Variants in NBEA observed in about 807,000 individuals in gnomAD.
The protein encoded by NBEA is neurobeachin, also known as lysosomal-trafficking regulator 2.
In NBEA, 44 loss-of-function variants were observed where a neutral mutation model predicts 343.4. The observed-to-expected ratio is 0.13, with a 90% CI of 0.10 to 0.16. The LOEUF is 0.16. Ranked by LOEUF, NBEA falls within the 10% of genes least tolerant of loss-of-function variation. The pLI is 1.00. For synonymous variants in NBEA, 1,175 were observed against 1,238.7 expected, an observed-to-expected ratio of 0.95 and a Z score of 1.08; for missense variants, 2,555 against 3,631.3, an observed-to-expected ratio of 0.70 and a Z score of 7.62.
intron 1 of NBEA, among the ~76,000 whole-genome samples, chr13:35,018,841 GCAGT>G (rs2061738928): frequency 6.6e-6 from 1 of 152,158 alleles, no homozygotes; most frequent in Admixed American, 6.5e-5. Flanking sequence ...TGGAAACCAT[GCAGT>G]CATTCACCAT....
chr13:35,035,210 G>A (rs1313371771), intron 1 of NBEA, among the ~76,000 whole-genome samples: 1 of 151,718 alleles, frequency 6.6e-6, no homozygotes, highest in African/African-American at 2.4e-5. Flanking sequence ...TTGGTATGTT[G>A]TGTTTCTGTT....
intron 34 of NBEA, among the ~76,000 whole-genome samples, chr13:35,250,490 A>C (rs183077580): frequency 2.0e-3 from 303 of 152,268 alleles, no homozygotes; most frequent in African/African-American, 6.8e-3. Flanking sequence ...AAACAATTTC[A>C]CTCCCATCCA....
chr13:35,369,737 G>T (rs894607521), intron 38 of NBEA, among the ~76,000 whole-genome samples: 1 of 151,846 alleles, frequency 6.6e-6, no homozygotes, highest in African/African-American at 2.4e-5. Flanking sequence ...TCAGATCGAA[G>T]AGGTTTTTGG....
chr13:35,025,883 C>T (rs1380531479), intron 1 of NBEA, among the ~76,000 whole-genome samples: 7 of 152,102 alleles, frequency 4.6e-5, no homozygotes, highest in Non-Finnish European at 1.0e-4. Context: ...TTACATACTA[C>T]TGACATGCTG....
At chr13:35,287,988 A>C (rs2035547063) in intron 34 of NBEA, among the ~76,000 whole-genome samples, 1 of 151,904 alleles carries the variant, frequency 6.6e-6, no homozygotes, top group Admixed American at 6.6e-5. Context: ...TTTGAATTAA[A>C]ATATGGGCAC....
At chr13:35,154,501 A>T (rs970335054) in intron 18 of NBEA, among the ~76,000 whole-genome samples, 1 of 152,246 alleles carries the variant, frequency 6.6e-6, no homozygotes, top group Non-Finnish European at 1.5e-5. Context: ...TTTATGTAAG[A>T]GATAAACACA....
chr13:35,421,320 C>A (rs1259785491), intron 38 of NBEA, among the ~76,000 whole-genome samples: 1 of 151,752 alleles, frequency 6.6e-6, no homozygotes, highest in Non-Finnish European at 1.5e-5. Flanking sequence ...ATCTATGTTT[C>A]TTAGTATATC....
chr13:35,670,667 G>T (rs755217424), intron 58 of NBEA, among the ~76,000 whole-genome samples: 1 of 152,224 alleles, frequency 6.6e-6, no homozygotes, highest in Non-Finnish European at 1.5e-5. Context: ...GGCCCCTCAC[G>T]CTCTGCAGCA....
chr13:35,041,042 A>C lies in NBEA; in HGVS notation c.404A>C (p.Glu135Ala). ...CACTGTGATGTAACATGTCAAGCAG[A>C]AATATGGAGCATGTTTACAGCCATT... ...LEHCDVTCQA[E>A]IWSMFTAILR... The change falls in exon 2 of 59, where the codon GAA becomes GCA. Residue 135 changes from glutamate to alanine, a missense_variant. By Grantham distance (107) the Glu-to-Ala change is moderately radical. Coordinates refer to ENST00000379939, the MANE Select transcript of NBEA (RefSeq NM_001385012.1). The C allele has an allele frequency of 6.2e-7, 1 of 1,613,290 alleles. No individual in the cohort carries two copies. Among genetic ancestry groups the C allele is most frequent in the Non-Finnish European group, 8.5e-7 (1 of 1,179,460 alleles).
intron 10 of NBEA, among the ~76,000 whole-genome samples, chr13:35,090,179 G>A (rs2065010449): frequency 6.6e-6 from 1 of 151,846 alleles, no homozygotes; most frequent in Non-Finnish European, 1.5e-5. Flanking sequence ...GGTTTATGTA[G>A]TGTTCCTGTA....
intron 27 of NBEA, 55 bp from the exon 28 acceptor site, chr13:35,176,941 T>A: frequency 8.5e-7 from 1 of 1,179,726 alleles, no homozygotes; most frequent in Non-Finnish European, 1.2e-6. Flanking sequence ...GAAGTGATAC[T>A]TCTATATATT....
chr13:35,612,683 AC>A (rs2082578583), intron 48 of NBEA, among the ~76,000 whole-genome samples: 1 of 152,144 alleles, frequency 6.6e-6, no homozygotes, highest in Non-Finnish European at 1.5e-5. Flanking sequence ...ACAGTGTTAT[AC>A]CCCAAATTTT....
Position 35,432,191 on chromosome 13 carries a change from C to A in NBEA, c.6180-78C>A, listed in dbSNP as rs995126406. ...TTTTTCAATGAGACCAACAAAATAA[C>A]TTCAATTTTATAGAAAAATGTATTT... On this transcript the variant is annotated intron_variant, in intron 38 of 58. Transcript: ENST00000379939. The A allele has an allele frequency of 5.0e-5, 64 of 1,278,194 alleles. No homozygotes were observed. The African/African-American group carries it at 8.5e-4, about 17-fold the overall frequency. The allele number at this position is 1,278,194 out of a possible 1,614,324, so 79.2% of individuals were successfully genotyped here. A position where few individuals can be genotyped will look rare whatever the true frequency, so the allele number is the denominator to read the frequency against.
rs9600190 is a variant in NBEA at position 35,160,174 on chromosome 13, C to T, written c.3861+142C>T. 2,203 of 779,998 alleles carry T rather than the reference C, an allele frequency of 2.8e-3. 36 individuals carry two copies. The African/African-American group carries it at 0.034, about 12-fold the overall frequency. 48.3% of individuals were successfully genotyped at this position (779,998 alleles called of 1,614,324 possible). On this transcript the variant is annotated intron_variant, in intron 22 of 58. Transcript: ENST00000379939. ...TAGTAATTTATGGAACTAAATAGTGCGGTATAATTTCATGTATGTAAGAAA... is the reference window on the plus strand; with the variant it reads ...TAGTAATTTATGGAACTAAATAGTGTGGTATAATTTCATGTATGTAAGAAA...
intron 51 of NBEA, among the ~76,000 whole-genome samples, chr13:35,646,922 T>C (rs1324973): frequency 2.0e-5 from 3 of 151,988 alleles, no homozygotes; most frequent in African/African-American, 7.2e-5. Flanking sequence ...TTCAGCATCT[T>C]CAAAATAGAG....
At chr13:35,196,421 G>T in intron 31 of NBEA, 119 bp downstream of exon 31, 1 of 972,646 alleles carries the variant, frequency 1.0e-6, no homozygotes, top group Non-Finnish European at 1.5e-6. Flanking sequence ...TTATTACAAA[G>T]ACAATCAAAA....
chr13:35,004,330 T>G (rs1486920846), intron 1 of NBEA, among the ~76,000 whole-genome samples: 1 of 152,190 alleles, frequency 6.6e-6, no homozygotes, highest in Non-Finnish European at 1.5e-5. Context: ...TATTTCTGGC[T>G]CTAGGTCTTT....
intron 41 of NBEA, among the ~76,000 whole-genome samples, chr13:35,530,000 A>G (rs150307358): frequency 1.3e-5 from 2 of 152,202 alleles, no homozygotes; most frequent in Admixed American, 6.5e-5. Flanking sequence ...TAAATTTCCA[A>G]TGTGATGTGG....
chr13:35,200,586 G>T (rs1464960768), intron 31 of NBEA, among the ~76,000 whole-genome samples: 1 of 151,808 alleles, frequency 6.6e-6, no homozygotes, highest in Non-Finnish European at 1.5e-5. Flanking sequence ...TTGGCTAACA[G>T]ACCTCAAACT....
Sources: gnomAD v4.1 joint callset for allele counts (sites outside exome capture counted in the v4.1 genomes callset) on GRCh38, gnomAD v4.1.1 for gene constraint, MANE v1.5 for transcripts, NCBI Gene and HGNC (gene_info 2026-07-23, HGNC 2026-07-21) for gene names.